DSC2: variants seen among roughly 807,000 people sequenced by gnomAD.
DSC2 encodes the protein desmocollin 2, also known as desmocollin-2.
DSC2 carries 51 observed loss-of-function variants against 87.6 expected under a neutral mutation model. The ratio of observed to expected loss-of-function variants is 0.58; its 90% CI spans 0.46 to 0.74. The LOEUF is 0.74. Among genes scored for constraint, DSC2 ranks in the 30% least tolerant of loss-of-function variants. The probability of loss-of-function intolerance (pLI) is 0.00; values close to 1 mark genes in which losing one functional copy is unlikely to be tolerated. For synonymous variants in DSC2, 383 were observed against 393.2 expected, an observed-to-expected ratio of 0.97 and a Z score of 0.31; for missense variants, 1,066 against 1,089.5, an observed-to-expected ratio of 0.98 and a Z score of 0.30.
intron 1 of DSC2, among the ~76,000 whole-genome samples, chr18:31,099,340 A>C (rs1987859850): frequency 6.6e-6 from 1 of 152,188 alleles, no homozygotes; most frequent in Admixed American, 6.5e-5. Flanking sequence ...GGTGGTTGCC[A>C]GGTGACGGAG....
At chr18:31,099,445 T>C (rs915061769) in intron 1 of DSC2, among the ~76,000 whole-genome samples, 7 of 152,218 alleles carry the variant, frequency 4.6e-5, no homozygotes, top group Non-Finnish European at 5.9e-5. Context: ...ATTGTGCTTA[T>C]AATTAACAAT....
At chr18:31,100,307 T>C (rs1043704377) in intron 1 of DSC2, among the ~76,000 whole-genome samples, 5 of 152,204 alleles carry the variant, frequency 3.3e-5, no homozygotes, top group African/African-American at 1.2e-4. Flanking sequence ...GAATCTGAGA[T>C]AACACACAGA....
chr18:31,074,816 G>A lies in DSC2; in HGVS notation c.1755C>T (p.Cys585=), dbSNP rs1448026670. The A allele has an allele frequency of 2.5e-6, 4 of 1,614,022 alleles. No homozygotes were observed. The highest frequency in any genetic ancestry group is 3.3e-5 in the Admixed American group (2 of 59,994). ...TCTCCGCAGATGACATGGTGGGTTT[G>A]CAGATGATCACTGTCTTTTTAGGTA... is the stretch of plus-strand genomic sequence containing the variant. ...PFIPKKTVII[C]KPTMSSAEIV... is the part of the protein sequence containing the mutation. Residue 585 remains cysteine (C), a synonymous_variant, in exon 12 of 16, where the codon TGC becomes TGT. Transcript: ENST00000280904.
chr18:31,080,154 T>C lies in DSC2; in HGVS notation c.1462A>G (p.Thr488Ala), dbSNP rs1987163518. 1 of 1,614,158 alleles carries C rather than the reference T, an allele frequency of 6.2e-7. No homozygotes were observed. ...VRMKENAEVG[T>A]TSNGYKAYDP... ...TATGCTTTATATCCATTGCTTGTTG[T>C]TCCCACTTCTGCATTTTCTTTCATG... The change falls in exon 10 of 16, where the codon ACA (threonine) becomes GCA (alanine). Residue 488 changes from threonine (T) to alanine (A), a missense_variant. Coordinates refer to ENST00000280904, the MANE Select transcript of DSC2 (RefSeq NM_024422.6).
At chr18:31,097,658 T>C (rs1444289737) in intron 1 of DSC2, among the ~76,000 whole-genome samples, 1 of 151,752 alleles carries the variant, frequency 6.6e-6, no homozygotes, top group Non-Finnish European at 1.5e-5. Context: ...TCTCAACAAT[T>C]AAATCAATAT....
In DSC2 at chr18:31,061,206, G is replaced by T. The variant is rs1986494418; in HGVS notation, c.*6809C>A. ...ATTATACAAGCGAATATATCAGCAA[G>T]TTTGCCTTCATATTTGTTAACTGAA... On this transcript the variant is annotated 3_prime_UTR_variant, in exon 16 of 16. Transcript: ENST00000280904. 1 of 152,194 alleles carries T rather than the reference G, an allele frequency of 6.6e-6. No individual in the cohort carries two copies. Among genetic ancestry groups the T allele is most frequent in the Non-Finnish European group, 1.5e-5 (1 of 68,034 alleles). 9.4% of individuals were successfully genotyped at this position (152,194 alleles called of 1,614,324 possible). A position where few individuals can be genotyped will look rare whatever the true frequency, so the allele number is the denominator to read the frequency against.
Position 31,091,107 on chromosome 18 carries a change from C to T in DSC2, c.395G>A (p.Arg132His), listed in dbSNP as rs375410133. The change falls in exon 4 of 16, where the codon CGC becomes CAC. Residue 132 changes from arginine to histidine, a missense_variant. Physicochemically the swap from Arg to His is conservative, Grantham distance 29. Transcript: ENST00000280904. ...KRHTKEKVLR[R>H]AKRRWAPIPC... ...AATTGGAGCCCATCTTCTCTTGGCG[C>T]GCCTTAGAACTTTTTCTTTAGTATG... The T allele has an allele frequency of 2.4e-5, 39 of 1,613,818 alleles. No homozygotes were observed. Among genetic ancestry groups the T allele is most frequent in the South Asian group, 1.1e-4 (10 of 91,068 alleles).
rs746980307 is a variant in DSC2 at position 31,074,753 on chromosome 18, T to A, written c.1818A>T (p.Pro606=). Residue 606 remains proline (P), a synonymous_variant, in exon 12 of 16, where the codon CCA becomes CCT. Coordinates refer to ENST00000280904, the MANE Select transcript of DSC2 (RefSeq NM_024422.6). ...AVDPDEPIHG[P]PFDFSLESST... ...AACTCTCCAGACTAAAGTCAAAGGGTGGGCCATGGATAGGCTCATCAGGAT... is the reference window on the plus strand; with the variant it reads ...AACTCTCCAGACTAAAGTCAAAGGGAGGGCCATGGATAGGCTCATCAGGAT... The A allele has an allele frequency of 6.2e-7, 1 of 1,613,906 alleles. No individual in the cohort carries two copies.
At position 31,082,361 on chromosome 18, in the gene DSC2, A is replaced by C. The variant is rs1252165791; in HGVS notation, c.1140T>G (p.Asp380Glu). 1.2e-6 allele frequency: 2 copies of C among 1,613,806 alleles called. No homozygotes were observed. The highest frequency in any genetic ancestry group is 1.7e-6 in the Non-Finnish European group (2 of 1,179,968). The stretch of plus-strand genomic sequence containing the variant: ...AGTTAGCAGTATTCACTAAGTCCTT[A>C]TCCTCAACAGTAACTCGTAAGATTT... ...DVEILRVTVE[D>E]KDLVNTANWR... is the part of the protein sequence containing the mutation. Residue 380 changes from aspartate (D) to glutamate (E), a missense_variant, in exon 9 of 16, where the codon GAT (aspartate) becomes GAG (glutamate). Coordinates refer to ENST00000280904, the MANE Select transcript of DSC2 (RefSeq NM_024422.6).
chr18:31,102,230 T>C lies in DSC2; in HGVS notation c.-259A>G. Reference sequence around the variant, plus strand: ...CCGATCGGCCCCTCCTTGTTGTCTATTTAAGACTTAAGACTTCATTTCTCT... The same window carrying C: ...CCGATCGGCCCCTCCTTGTTGTCTACTTAAGACTTAAGACTTCATTTCTCT... On this transcript the variant is annotated 5_prime_UTR_variant, in exon 1 of 16. Transcript: ENST00000280904. The C allele has an allele frequency of 2.4e-6, 1 of 409,126 alleles. No individual in the cohort carries two copies. The highest frequency in any genetic ancestry group is 4.5e-5 in the Admixed American group (1 of 22,224). The allele number at this position is 409,126 out of a possible 1,614,324, so 25.3% of individuals were successfully genotyped here.
chr18:31,096,932 A>G (rs1160465264), intron 1 of DSC2, among the ~76,000 whole-genome samples: 4 of 152,148 alleles, frequency 2.6e-5, no homozygotes, highest in Admixed American at 6.5e-5. Flanking sequence ...TTACATTACT[A>G]TAAAACAAGA....
At chr18:31,091,190 C>G in intron 3 of DSC2, 43 bp from the exon 4 acceptor site, 5 of 1,608,300 alleles carry the variant, frequency 3.1e-6, no homozygotes, top group Non-Finnish European at 4.3e-6. Flanking sequence ...TCAATGACTA[C>G]TTTATTCTCA....
Position 31,101,681 on chromosome 18 carries a change from T to C in DSC2, c.69+222A>G, listed in dbSNP as rs75536315. 4.6e-4 allele frequency: 255 copies of C among 558,678 alleles called. No homozygotes were observed. The African/African-American group carries it at 4.8e-3, about 10-fold the overall frequency. 34.6% of individuals were successfully genotyped at this position (558,678 alleles called of 1,614,324 possible). A position where few individuals can be genotyped will look rare whatever the true frequency, so the allele number is the denominator to read the frequency against. ...TCTCCTTGAGTGCGCTGATTACATC[T>C]ACCGGAGACACCTTCCCTTCCCTTG... On this transcript the variant is annotated intron_variant, in intron 1 of 15. Coordinates refer to ENST00000280904, the MANE Select transcript of DSC2 (RefSeq NM_024422.6).
In DSC2 at chr18:31,089,566, G is replaced by T; in HGVS notation, c.503C>A (p.Thr168Asn). The T allele has an allele frequency of 6.2e-7, 1 of 1,613,868 alleles. No homozygotes were observed. The highest frequency in any genetic ancestry group is 8.5e-7 in the Non-Finnish European group (1 of 1,179,890). ...QVQSDTAQNY[T>N]IYYSIRGPGV... ...AGGACCTCTTATGGAATAGTATATG[G>T]TATAGTTTTGGGCCGTGTCAGATTG... Residue 168 changes from threonine to asparagine, a missense_variant, in exon 5 of 16, where the codon ACC becomes AAC. Coordinates refer to ENST00000280904, the MANE Select transcript of DSC2 (RefSeq NM_024422.6).
intron 1 of DSC2, among the ~76,000 whole-genome samples, chr18:31,096,695 T>A (rs1484701907): frequency 6.6e-6 from 1 of 152,134 alleles, no homozygotes; most frequent in Non-Finnish European, 1.5e-5. Context: ...AATTGATAAG[T>A]ACTTTTGCAA....
chr18:31,072,050 T>C lies in DSC2; in HGVS notation c.1889-209A>G, dbSNP rs565645256. ...CATATTACATATAAAAGTTTGTCTA[T>C]GCTGCCTCTTAAACAAAGTCTTTTG... On this transcript the variant is annotated intron_variant, in intron 12 of 15. Transcript: ENST00000280904. 3.9e-5 allele frequency among the ~76,000 whole-genome samples: 6 copies of C among 152,362 alleles called. No individual in the cohort carries two copies. The East Asian group carries it at 1.2e-3, about 29-fold the overall frequency.
Position 31,068,104 on chromosome 18 carries a change from T to C in DSC2, c.2617A>G (p.Ser873Gly), listed in dbSNP as rs770010497. ...AGCCCATCTTCTTCTTGTCGTTCAC[T>C]GCAACAACCTACAGACCCAGCCACC... ...GSVAGSVGCC[S>G]ERQEEDGLEF... The change falls in exon 16 of 16, where the codon AGT (serine) becomes GGT (glycine). Residue 873 changes from serine (S) to glycine (G), a missense_variant. Transcript: ENST00000280904. 1 of 1,614,110 alleles carries C rather than the reference T, an allele frequency of 6.2e-7. No individual in the cohort carries two copies. Among genetic ancestry groups the C allele is most frequent in the South Asian group, 1.1e-5 (1 of 91,080 alleles).
rs377439942 is a variant in DSC2, at chr18:31,080,356, C to T, written c.1264-4G>A. The stretch of plus-strand genomic sequence containing the variant: ...GCTTTTCTTCATAATTCAAAGGCTA[C>T]GAAAGCAAATGTATTGAAAAATCAG... On this transcript the variant is annotated splice_region_variant and splice_polypyrimidine_tract_variant and intron_variant, in intron 9 of 15. Coordinates refer to ENST00000280904, the MANE Select transcript of DSC2 (RefSeq NM_024422.6). 26 of 1,613,038 alleles carry T rather than the reference C, an allele frequency of 1.6e-5. No homozygotes were observed. Among genetic ancestry groups the T allele is most frequent in the African/African-American group, 4.0e-5 (3 of 74,806 alleles).
At chr18:31,086,811 T>C in intron 6 of DSC2, 69 bp from the exon 7 acceptor site, 1 of 1,539,026 alleles carries the variant, frequency 6.5e-7, no homozygotes, top group East Asian at 2.4e-5. Context: ...ATTTCATTCC[T>C]TTTCACCCAC....
Sources: gnomAD v4.1 joint callset for allele counts (sites outside exome capture counted in the v4.1 genomes callset) on GRCh38, gnomAD v4.1.1 for gene constraint, MANE v1.5 for transcripts, NCBI Gene and HGNC (gene_info 2026-07-23, HGNC 2026-07-21) for gene names.